The following NAALADL2 variants were observed in gnomAD, a reference collection of about 807,000 sequenced individuals.
NAALADL2 encodes N-acetylated alpha-linked acidic dipeptidase like 2.
Under a neutral mutation model 87.2 loss-of-function variants are expected in NAALADL2, and 76 were observed. The observed-to-expected ratio is 0.87, with a 90% CI of 0.72 to 1.05. The LOEUF is 1.05. Among genes scored for constraint, NAALADL2 ranks in the 50% least tolerant of loss-of-function variants. NAALADL2 has a pLI of 0.00. For missense variants in NAALADL2, 1,089 were observed against 945.8 expected (o/e 1.15, Z -1.99); for synonymous variants, 354 against 331.0 (o/e 1.07, Z -0.75).
At chr3:175,699,060 T>C (rs1313298835) in intron 11 of NAALADL2, among the ~76,000 whole-genome samples, 1 of 151,940 alleles carries the variant, frequency 6.6e-6, no homozygotes, top group African/African-American at 2.4e-5. Flanking sequence ...AAAGTACTTT[T>C]CCTTTACATA....
At chr3:174,804,683 A>T (rs1387883433) in intron 3 of NAALADL2, among the ~76,000 whole-genome samples, 2 of 152,118 alleles carry the variant, frequency 1.3e-5, no homozygotes, top group Non-Finnish European at 2.9e-5. Context: ...CCTAACTTAG[A>T]CTAAAGAAAG....
intron 11 of NAALADL2, among the ~76,000 whole-genome samples, chr3:175,719,746 T>C (rs566932013): frequency 5.3e-5 from 8 of 152,214 alleles, no homozygotes; most frequent in Non-Finnish European, 1.0e-4. Flanking sequence ...CAGGCTGCTG[T>C]ACCAAAATGC....
chr3:174,531,937 T>C (rs1721272904), intron 1 of NAALADL2, among the ~76,000 whole-genome samples: 1 of 152,168 alleles, frequency 6.6e-6, no homozygotes, highest in South Asian at 2.1e-4. Context: ...TTCAAAATAT[T>C]AAAGTCCTCA....
At chr3:174,625,314 T>C (rs893202446) in intron 2 of NAALADL2, among the ~76,000 whole-genome samples, 2 of 152,082 alleles carry the variant, frequency 1.3e-5, no homozygotes, top group African/African-American at 4.8e-5. Context: ...AACCTCAGCC[T>C]CCCAAAGTGT....
rs1291756256 is a variant in NAALADL2 at position 175,576,062 on chromosome 3, A to G, written c.1675A>G (p.Arg559Gly). 6.2e-7 allele frequency: 1 copy of G among 1,611,514 alleles called. No homozygotes were observed. The highest frequency in any genetic ancestry group is 8.5e-7 in the Non-Finnish European group (1 of 1,178,996). The change falls in exon 10 of 14, where the codon AGA (arginine) becomes GGA (glycine). Residue 559 changes from arginine to glycine, a missense_variant. Transcript: ENST00000454872. ...VVEKNNFNCT[R>G]RAQCPETNIS... ...TCAGAAAAATAATTTCAACTGTACC[A>G]GAAGAGCCCAGTGCCCAGAAACCAA... is the stretch of plus-strand genomic sequence containing the variant.
chr3:175,587,352 G>C (rs1720681691), intron 10 of NAALADL2, among the ~76,000 whole-genome samples: 1 of 151,944 alleles, frequency 6.6e-6, no homozygotes, highest in African/African-American at 2.4e-5. Context: ...AATGTTAAAG[G>C]GTCAACAGTA....
chr3:175,097,004 C>T lies in NAALADL2; in HGVS notation c.258C>T (p.Ser86=). ...AGACTATAGACCTCAATCTTGATTC[C>T]ATTCAACCAGCAACTTCACCCAAAG... ...HSETIDLNLD[S]IQPATSPKGR... Residue 86 remains serine, a synonymous_variant, in exon 2 of 14, where the codon TCC becomes TCT. Transcript: ENST00000454872. 1 of 1,613,498 alleles carries T rather than the reference C, an allele frequency of 6.2e-7. No homozygotes were observed. The highest frequency in any genetic ancestry group is 8.5e-7 in the Non-Finnish European group (1 of 1,179,668).
In NAALADL2 at chr3:175,808,745, T is replaced by C. The variant is rs1289301946; in HGVS notation, c.*5542T>C. The C allele has an allele frequency of 6.6e-6, 1 of 151,498 alleles. No homozygotes were observed. The highest frequency in any genetic ancestry group is 1.5e-5 in the Non-Finnish European group (1 of 67,960). The allele number at this position is 151,498 out of a possible 1,614,324, so 9.4% of individuals were successfully genotyped here. A position where few individuals can be genotyped will look rare whatever the true frequency, so the allele number is the denominator to read the frequency against. Reference sequence around the variant, plus strand: ...GCAAGCTCAAGAGATTAATATACAATCATTATTATGAATTATTATGTTGCA... The same window carrying C: ...GCAAGCTCAAGAGATTAATATACAACCATTATTATGAATTATTATGTTGCA... On this transcript the variant is annotated 3_prime_UTR_variant, in exon 14 of 14. Transcript: ENST00000454872.
chr3:175,489,975 G>T (rs200722764), intron 9 of NAALADL2, among the ~76,000 whole-genome samples: 1 of 151,984 alleles, frequency 6.6e-6, no homozygotes, highest in Admixed American at 6.6e-5. Context: ...ACCCTCCTCC[G>T]TTTTTAGCCA....
chr3:175,784,253 G>A (rs1008875462), intron 13 of NAALADL2, among the ~76,000 whole-genome samples: 3 of 151,320 alleles, frequency 2.0e-5, no homozygotes, highest in South Asian at 2.1e-4. Context: ...TTTTTCTATT[G>A]ATTGGAATAG....
intron 2 of NAALADL2, among the ~76,000 whole-genome samples, chr3:175,188,914 T>C (rs1265650710): frequency 6.6e-6 from 1 of 152,046 alleles, no homozygotes; most frequent in Admixed American, 6.6e-5. Context: ...TCACACTTTT[T>C]TCCCAAAGCC....
chr3:175,688,130 G>A (rs1736561402), intron 11 of NAALADL2, among the ~76,000 whole-genome samples: 1 of 151,978 alleles, frequency 6.6e-6, no homozygotes, highest in Non-Finnish European at 1.5e-5. Flanking sequence ...TAAAGTTAAG[G>A]TCCTGTATGT....
At chr3:174,825,198 T>C (rs1721848608) in intron 3 of NAALADL2, among the ~76,000 whole-genome samples, 1 of 152,236 alleles carries the variant, frequency 6.6e-6, no homozygotes, top group Admixed American at 6.5e-5. Context: ...CATGATATAC[T>C]ACCTGCAAGC....
At chr3:174,935,441 G>C (rs893543356) in intron 1 of NAALADL2, among the ~76,000 whole-genome samples, 1 of 152,092 alleles carries the variant, frequency 6.6e-6, no homozygotes, top group South Asian at 2.1e-4. Flanking sequence ...AGATATACTG[G>C]TTATTTACAT....
intron 2 of NAALADL2, chr3:175,218,233 A>G: frequency 6.3e-6 from 2 of 317,054 alleles, no homozygotes; most frequent in South Asian, 5.3e-5. Flanking sequence ...ATAATTAGTC[A>G]AAGGATACTT....
chr3:174,816,230 C>T (rs1490697971), intron 3 of NAALADL2, among the ~76,000 whole-genome samples: 1 of 151,678 alleles, frequency 6.6e-6, no homozygotes, highest in Non-Finnish European at 1.5e-5. Flanking sequence ...CCTTCTCCTC[C>T]TCCTCTGCCT....
Position 175,803,548 on chromosome 3 carries a change from AAC to A in NAALADL2, c.*349_*350del, listed in dbSNP as rs1179948197. On this transcript the variant is annotated 3_prime_UTR_variant, in exon 14 of 14. Coordinates refer to ENST00000454872, the MANE Select transcript of NAALADL2 (RefSeq NM_207015.3). Reference sequence around the variant, plus strand: ...TGTTCCTATGGGGAGGGCATATAGGAACACAGTTTATTCTCTCTGATAGAGCT... The same window carrying A: ...TGTTCCTATGGGGAGGGCATATAGGAACAGTTTATTCTCTCTGATAGAGCT... 6.0e-6 allele frequency: 1 copy of A among 167,254 alleles called. No homozygotes were observed. The highest frequency in any genetic ancestry group is 1.3e-5 in the Non-Finnish European group (1 of 77,488). The allele number at this position is 167,254 out of a possible 1,614,324, so 10.4% of individuals were successfully genotyped here.
chr3:175,199,848 A>G (rs865997965), intron 2 of NAALADL2, among the ~76,000 whole-genome samples: 1 of 16,930 alleles, frequency 5.9e-5, no homozygotes, highest in African/African-American at 3.1e-4. Context: ...ATATATATAT[A>G]TATATATATA....
intron 2 of NAALADL2, among the ~76,000 whole-genome samples, chr3:175,171,705 C>G (rs202080682): frequency 2.0e-5 from 3 of 152,026 alleles, no homozygotes; most frequent in Non-Finnish European, 4.4e-5. Context: ...GTAGTACATG[C>G]ACACAATGGA....
Sources: allele counts gnomAD v4.1 joint callset (sites outside exome capture counted in the v4.1 genomes callset), GRCh38; gene constraint gnomAD v4.1.1; transcripts MANE v1.5; gene names NCBI Gene and HGNC (gene_info 2026-07-23, HGNC 2026-07-21).